Variants in UIMC1 observed in about 807,000 individuals in gnomAD.
UIMC1 encodes BRCA1-A complex subunit RAP80.
UIMC1 carries 42 observed loss-of-function variants against 84.9 expected under a neutral mutation model. The observed-to-expected ratio is 0.49, with a 90% CI of 0.39 to 0.64. The LOEUF (loss-of-function observed/expected upper bound fraction) is 0.64, where lower values mean the gene tolerates loss of function less well. Ranked by LOEUF, UIMC1 falls within the 30% of genes least tolerant of loss-of-function variation. The pLI, the probability that UIMC1 is intolerant of heterozygous loss-of-function variation, is 0.00. For missense variants in UIMC1, 825 were observed against 847.6 expected (o/e 0.97, Z 0.33); for synonymous variants, 281 against 293.0 (o/e 0.96, Z 0.42).
In UIMC1 at chr5:176,999,825, A is replaced by AT. The variant is rs551798300; in HGVS notation, c.-9+6824dup. Among the ~76,000 whole-genome samples the AT allele has an allele frequency of 5.3e-3, 807 of 152,268 alleles. 4 individuals are homozygous for AT. The highest frequency in any genetic ancestry group is 7.6e-3 in the Non-Finnish European group (520 of 68,026). ...CTGTTGATGGACACAGATTGATTCCATATCTTGGCTATTGTAAATAGTGCT... is the reference window on the plus strand; with the variant it reads ...CTGTTGATGGACACAGATTGATTCCATTATCTTGGCTATTGTAAATAGTGCT... On this transcript the variant is annotated intron_variant, in intron 1 of 14. Coordinates refer to ENST00000511320, the MANE Select transcript of UIMC1 (RefSeq NM_001199298.2).
intron 1 of UIMC1, among the ~76,000 whole-genome samples, chr5:177,003,132 G>A (rs138630213): frequency 9.2e-5 from 14 of 152,094 alleles, no homozygotes; most frequent in African/African-American, 1.9e-4. Context: ...AAAGTGCCAC[G>A]AAGCACTTTA....
chr5:176,957,736 G>A (rs192015776), intron 7 of UIMC1, among the ~76,000 whole-genome samples: 4 of 152,258 alleles, frequency 2.6e-5, no homozygotes, highest in South Asian at 2.1e-4. Flanking sequence ...AAGAATAGAA[G>A]GACTATAAAG....
chr5:176,976,948 C>T (rs930775909), intron 2 of UIMC1, among the ~76,000 whole-genome samples: 1 of 152,266 alleles, frequency 6.6e-6, no homozygotes, highest in South Asian at 2.1e-4. Flanking sequence ...GTGGGCCAGG[C>T]GCAGTGGCTC....
intron 1 of UIMC1, among the ~76,000 whole-genome samples, chr5:176,985,883 T>C (rs1417389749): frequency 6.6e-6 from 1 of 152,128 alleles, no homozygotes; most frequent in African/African-American, 2.4e-5. Flanking sequence ...AAAAATCCCA[T>C]AACTAATAAG....
intron 10 of UIMC1, among the ~76,000 whole-genome samples, chr5:176,929,356 G>A (rs2149420656): frequency 6.6e-6 from 1 of 151,664 alleles, no homozygotes; most frequent in South Asian, 2.1e-4. Flanking sequence ...GAGGTCAGGA[G>A]ATCGAGACCA....
chr5:176,999,583 T>A (rs1389094000), intron 1 of UIMC1, among the ~76,000 whole-genome samples: 1 of 147,378 alleles, frequency 6.8e-6, no homozygotes, highest in Non-Finnish European at 1.5e-5. Flanking sequence ...CTAGTAACCA[T>A]CCTTCTACTA....
intron 10 of UIMC1, among the ~76,000 whole-genome samples, chr5:176,912,056 G>A (rs981825981): frequency 6.6e-6 from 1 of 152,192 alleles, no homozygotes; most frequent in Non-Finnish European, 1.5e-5. Flanking sequence ...TGCATAACAA[G>A]AAAAACTACA....
chr5:176,952,627 A>G (rs1766029234), intron 8 of UIMC1, among the ~76,000 whole-genome samples: 1 of 152,174 alleles, frequency 6.6e-6, no homozygotes, highest in African/African-American at 2.4e-5. Context: ...TTTCCTATCT[A>G]GTCTTTTATT....
chr5:176,941,401 A>C (rs1027681174), intron 10 of UIMC1, among the ~76,000 whole-genome samples: 1 of 152,216 alleles, frequency 6.6e-6, no homozygotes, highest in African/African-American at 2.4e-5. Flanking sequence ...GCCTAATTTT[A>C]AGTATTCAAT....
chr5:176,911,112 GAAGAAAAGAAAAGAAAAGAA>G (rs35830185), intron 11 of UIMC1, among the ~76,000 whole-genome samples, 179 bp downstream of exon 11: 2,694 of 116,918 alleles, frequency 0.023, 58 homozygotes, highest in African/African-American at 0.048. Context: ...GAGAGAGAGA[GAAGAAAAGAAAAGAAAAGAA>G]AAGAAAAGAA....
At chr5:176,978,568 A>C (rs1004537178) in intron 2 of UIMC1, among the ~76,000 whole-genome samples, 9 of 151,710 alleles carry the variant, frequency 5.9e-5, no homozygotes, top group African/African-American at 1.7e-4. Context: ...AGCGCCCCCC[A>C]AAAAAAACTT....
At chr5:176,943,174 A>C (rs1764656305) in intron 10 of UIMC1, among the ~76,000 whole-genome samples, 161 bp downstream of exon 10, 1 of 152,218 alleles carries the variant, frequency 6.6e-6, no homozygotes, top group South Asian at 2.1e-4. Flanking sequence ...GTAATGATGA[A>C]CATAAAAGTA....
At chr5:176,971,671 G>A (rs1165962700) in intron 3 of UIMC1, among the ~76,000 whole-genome samples, 1 of 152,104 alleles carries the variant, frequency 6.6e-6, no homozygotes, top group African/African-American at 2.4e-5. Flanking sequence ...CACTGTGGGA[G>A]GCCAAGGTGG....
intron 1 of UIMC1, among the ~76,000 whole-genome samples, chr5:176,996,392 C>T (rs1773616851): frequency 6.6e-6 from 1 of 152,052 alleles, no homozygotes; most frequent in Admixed American, 6.6e-5. Flanking sequence ...TTGATGAAAA[C>T]TCAAAATAGT....
exon 1 of UIMC1, chr5:177,022,515 G>T (rs143230660): frequency 1.8e-4 from 89 of 506,558 alleles, no homozygotes; most frequent in Non-Finnish European, 2.6e-4. Context: ...TCTCCGGGAG[G>T]GGGGGGTCAC....
upstream of UIMC1, among the ~76,000 whole-genome samples, chr5:177,007,358 AAAAG>A (rs1186666096): frequency 6.6e-6 from 1 of 151,788 alleles, no homozygotes; most frequent in East Asian, 1.9e-4. Flanking sequence ...AAAAAAAAAA[AAAAG>A]GGAAAGAAAG....
intron 3 of UIMC1, among the ~76,000 whole-genome samples, chr5:176,973,377 G>A (rs747961549): frequency 3.9e-5 from 6 of 152,000 alleles, no homozygotes; most frequent in Non-Finnish European, 7.4e-5. Flanking sequence ...AAGCTTATCT[G>A]TGGTATTAAA....
chr5:176,998,015 A>G (rs1773883557), intron 1 of UIMC1, among the ~76,000 whole-genome samples: 1 of 152,060 alleles, frequency 6.6e-6, no homozygotes, highest in Non-Finnish European at 1.5e-5. Context: ...TACATTTTCA[A>G]AGTACCATGC....
rs539162285 is a variant in UIMC1 at position 176,933,231 on chromosome 5, C to T, written c.1597+10104G>A. The stretch of plus-strand genomic sequence containing the variant: ...TATAAGAACAATACTGAGATCCCAA[C>T]AGACACTGAGGCAAACTTCAGAGAA... On this transcript the variant is annotated intron_variant, in intron 10 of 14. Transcript: ENST00000511320. 1.3e-3 allele frequency among the ~76,000 whole-genome samples: 203 copies of T among 152,268 alleles called. 1 individual carries two copies. The highest frequency in any genetic ancestry group is 2.1e-3 in the Non-Finnish European group (142 of 68,010).
Sources: gnomAD v4.1 joint callset for allele counts (sites outside exome capture counted in the v4.1 genomes callset) on GRCh38, gnomAD v4.1.1 for gene constraint, MANE v1.5 for transcripts, NCBI Gene and HGNC (gene_info 2026-07-23, HGNC 2026-07-21) for gene names.